BNC2: variants seen among roughly 807,000 people sequenced by gnomAD.
BNC2 encodes the protein basonuclin zinc finger protein 2.
In BNC2, 20 loss-of-function variants were observed where a neutral mutation model predicts 76.3. The observed-to-expected ratio is 0.26, with a 90% CI of 0.18 to 0.38. The LOEUF is 0.38. BNC2 is among the 10% of genes least tolerant of loss of function. The pLI, the probability that BNC2 is intolerant of heterozygous loss-of-function variation, is 1.00. For synonymous variants in BNC2, 582 were observed against 514.8 expected, an observed-to-expected ratio of 1.13 and a Z score of -1.77; for missense variants, 1,382 against 1,399.8, an observed-to-expected ratio of 0.99 and a Z score of 0.20.
chr9:16,739,605 G>A (rs917194732), intron 1 of BNC2, among the ~76,000 whole-genome samples: 4 of 152,312 alleles, frequency 2.6e-5, no homozygotes, highest in Non-Finnish European at 5.9e-5. Context: ...CCAAGAGGCA[G>A]AGGTTGCAGT....
rs139529098 is a variant in BNC2 at position 16,565,973 on chromosome 9, G to C, written c.434-13208C>G. 3.2e-4 allele frequency among the ~76,000 whole-genome samples: 48 copies of C among 152,258 alleles called. 1 individual carries two copies. The East Asian group carries it at 8.9e-3, about 28-fold the overall frequency. ...AGAGAAGAACCAAGATGACGCCAGA[G>C]AGATAAGCGAGGTTCCATCCGTAAA... On this transcript the variant is annotated intron_variant, in intron 4 of 6. Coordinates refer to ENST00000380672, the MANE Select transcript of BNC2 (RefSeq NM_017637.6).
At chr9:16,803,649 T>C (rs1175628985) in intron 1 of BNC2, among the ~76,000 whole-genome samples, 3 of 152,260 alleles carry the variant, frequency 2.0e-5, no homozygotes, top group Non-Finnish European at 4.4e-5. Context: ...GTTCCTGTTA[T>C]GGGCTACTCA....
chr9:16,531,064 C>A (rs1257199374), intron 5 of BNC2, among the ~76,000 whole-genome samples: 1 of 152,160 alleles, frequency 6.6e-6, no homozygotes, highest in South Asian at 2.1e-4. Context: ...TGCCTAGCCT[C>A]CCCTGAGATC....
At chr9:16,564,732 A>C (rs933838938) in intron 4 of BNC2, among the ~76,000 whole-genome samples, 1 of 152,168 alleles carries the variant, frequency 6.6e-6, no homozygotes, top group Admixed American at 6.5e-5. Context: ...AAATGTTCTA[A>C]ATTCAAGAAA....
chr9:16,765,186 A>G (rs1483561065), intron 1 of BNC2, among the ~76,000 whole-genome samples: 1 of 152,210 alleles, frequency 6.6e-6, no homozygotes, highest in Non-Finnish European at 1.5e-5. Context: ...AATATGGTAA[A>G]CATACACAAA....
rs147029253 is a variant in BNC2, at chr9:16,688,861, G to C, written c.330+38936C>G. Reference sequence around the variant, plus strand: ...CTCTGAAATCCCCAGGGCAAGTGGAGGCTGAGTACATATCTACTCTCCTGT... The same window carrying C: ...CTCTGAAATCCCCAGGGCAAGTGGACGCTGAGTACATATCTACTCTCCTGT... On this transcript the variant is annotated intron_variant, in intron 3 of 6. Coordinates refer to ENST00000380672, the MANE Select transcript of BNC2 (RefSeq NM_017637.6). Among the ~76,000 whole-genome samples, 13 of 152,222 alleles carry C rather than the reference G, an allele frequency of 8.5e-5. No individual in the cohort carries two copies. In the East Asian group the frequency reaches 1.7e-3, roughly 20 times the overall value.
intron 5 of BNC2, among the ~76,000 whole-genome samples, chr9:16,472,641 C>A (rs150499959): frequency 2.0e-5 from 3 of 152,288 alleles, no homozygotes; most frequent in East Asian, 1.9e-4. Flanking sequence ...TGGTCCACTT[C>A]TTATAATCCT....
intron 1 of BNC2, among the ~76,000 whole-genome samples, chr9:16,839,137 T>C (rs1818771341): frequency 6.6e-6 from 1 of 152,222 alleles, no homozygotes; most frequent in Non-Finnish European, 1.5e-5. Flanking sequence ...TTCTGGATAA[T>C]TTTCTCAGAT....
intron 1 of BNC2, among the ~76,000 whole-genome samples, chr9:16,838,441 A>C (rs2136074021): frequency 6.6e-6 from 1 of 152,246 alleles, no homozygotes. Context: ...CATGCCTATA[A>C]TTCCAGCTAC....
chr9:16,837,491 G>A (rs575259544), intron 1 of BNC2, among the ~76,000 whole-genome samples: 17 of 152,182 alleles, frequency 1.1e-4, no homozygotes, highest in African/African-American at 1.7e-4. Flanking sequence ...GCGACAGTGC[G>A]AGACTCCATC....
intron 6 of BNC2, among the ~76,000 whole-genome samples, chr9:16,434,100 G>T (rs1317768897): frequency 6.6e-6 from 1 of 152,004 alleles, no homozygotes; most frequent in African/African-American, 2.4e-5. Context: ...AAGTAAATGG[G>T]GGTGGGAAAA....
chr9:16,867,554 A>G (rs1819572739), intron 1 of BNC2: 2 of 152,214 alleles, frequency 1.3e-5, no homozygotes, highest in African/African-American at 2.4e-5. Flanking sequence ...TACTTAAGGA[A>G]TATTTAAAAC....
At chr9:16,804,009 G>C (rs1817845835) in intron 1 of BNC2, among the ~76,000 whole-genome samples, 2 of 152,196 alleles carry the variant, frequency 1.3e-5, no homozygotes, top group Admixed American at 1.3e-4. Flanking sequence ...GTATAACAAT[G>C]AGCCTAAATT....
At chr9:16,693,555 A>C (rs1294186591) in intron 3 of BNC2, among the ~76,000 whole-genome samples, 6 of 152,338 alleles carry the variant, frequency 3.9e-5, no homozygotes, top group Middle Eastern at 3.4e-3. Flanking sequence ...TGAGCATTAA[A>C]GTTTGAGGCT....
chr9:16,807,465 CA>C (rs1817941966), intron 1 of BNC2, among the ~76,000 whole-genome samples: 1 of 152,048 alleles, frequency 6.6e-6, no homozygotes, highest in Non-Finnish European at 1.5e-5. Flanking sequence ...CAATATGCAC[CA>C]ATTGTCTCTT....
intron 5 of BNC2, among the ~76,000 whole-genome samples, chr9:16,545,625 A>G (rs1045536102): frequency 7.2e-5 from 11 of 152,184 alleles, no homozygotes; most frequent in African/African-American, 2.4e-4. Context: ...TCCACCACAC[A>G]TGAGTGGAGC....
chr9:16,454,297 T>C (rs1587045892), intron 5 of BNC2, among the ~76,000 whole-genome samples: 1 of 152,100 alleles, frequency 6.6e-6, no homozygotes, highest in Admixed American at 6.6e-5. Context: ...ACATTTATAA[T>C]ACAATTATTA....
At chr9:16,490,181 A>C (rs1383374981) in intron 5 of BNC2, among the ~76,000 whole-genome samples, 1 of 152,210 alleles carries the variant, frequency 6.6e-6, no homozygotes, top group African/African-American at 2.4e-5. Flanking sequence ...ACTGTGAAGA[A>C]AAAAAGGTTT....
chr9:16,474,586 G>A (rs1277740125), intron 5 of BNC2, among the ~76,000 whole-genome samples: 2 of 152,146 alleles, frequency 1.3e-5, no homozygotes, highest in Non-Finnish European at 2.9e-5. Flanking sequence ...AGAAAGATGA[G>A]TCAAGTTATT....
Sources: gnomAD v4.1 joint callset for allele counts (sites outside exome capture counted in the v4.1 genomes callset) on GRCh38, gnomAD v4.1.1 for gene constraint, MANE v1.5 for transcripts, NCBI Gene and HGNC (gene_info 2026-07-23, HGNC 2026-07-21) for gene names.